The following KCNIP4 variants were observed in gnomAD, a reference collection of about 807,000 sequenced individuals.
The protein encoded by KCNIP4 is potassium voltage-gated channel interacting protein 4.
KCNIP4 carries 12 observed loss-of-function variants against 34.0 expected under a neutral mutation model. The observed-to-expected ratio is 0.35, with a 90% confidence interval of 0.23 to 0.57. The LOEUF is 0.57. Among genes scored for constraint, KCNIP4 ranks in the 20% least tolerant of loss-of-function variants. The pLI is 0.83. For missense variants in KCNIP4, 238 were observed against 311.7 expected (o/e 0.76, Z 1.78); for synonymous variants, 124 against 102.2 (o/e 1.21, Z -1.29).
intron 1 of KCNIP4, among the ~76,000 whole-genome samples, chr4:21,726,664 T>C (rs1715217751): frequency 6.6e-6 from 1 of 152,166 alleles, no homozygotes; most frequent in African/African-American, 2.4e-5. Flanking sequence ...TTTTCAGAAA[T>C]AAATCATTTA....
rs1578390169 is a variant in KCNIP4 at position 20,729,492 on chromosome 4, A to ATTT, written c.*587_*589dup. ...TAAACTAATTTTTAAATGTTTAATA[A>ATTT]TTTTTAAATGTTTAAAAATGCCAGA... On this transcript the variant is annotated 3_prime_UTR_variant, in exon 9 of 9. Transcript: ENST00000382152. 2 of 151,060 alleles carry ATTT rather than the reference A, an allele frequency of 1.3e-5. No homozygotes were observed. The highest frequency in any genetic ancestry group is 4.0e-4 in the East Asian group (2 of 4,978). The allele number at this position is 151,060 out of a possible 1,614,324, so 9.4% of individuals were successfully genotyped here.
At chr4:21,616,419 A>AGTCTTTGTCTGAATTGTTTACCAATGT in intron 1 of KCNIP4, among the ~76,000 whole-genome samples, 1 of 152,314 alleles carries the variant, frequency 6.6e-6, no homozygotes, top group Admixed American at 6.5e-5. Context: ...CCGGTGCAGA[A>AGTCTTTGTCTGAATTGTTTACCAATGT]GTCTTTGTCT....
At chr4:21,044,895 C>T (rs1201625649) in intron 1 of KCNIP4, among the ~76,000 whole-genome samples, 1 of 152,196 alleles carries the variant, frequency 6.6e-6, no homozygotes, top group Non-Finnish European at 1.5e-5. Flanking sequence ...CTGCTCCTTT[C>T]ACCAACTAGG....
At chr4:20,731,966 T>C (rs767916581) in intron 8 of KCNIP4, 40 bp downstream of exon 8, 16 of 1,610,866 alleles carry the variant, frequency 9.9e-6, no homozygotes, top group South Asian at 4.4e-5. Flanking sequence ...TTAGCTGTTA[T>C]GATAGCTGAA....
chr4:21,250,191 C>A (rs1156884626), intron 1 of KCNIP4, among the ~76,000 whole-genome samples: 1 of 142,286 alleles, frequency 7.0e-6, no homozygotes. Flanking sequence ...CAGACAACTA[C>A]ACTCTCGCAG....
chr4:21,448,937 A>G (rs917528495), intron 1 of KCNIP4, among the ~76,000 whole-genome samples: 4 of 152,200 alleles, frequency 2.6e-5, no homozygotes, highest in Admixed American at 6.5e-5. Flanking sequence ...GGAGAGAGAC[A>G]AGGCAAAAAT....
intron 1 of KCNIP4, among the ~76,000 whole-genome samples, chr4:21,187,009 G>A (rs575055529): frequency 6.6e-6 from 1 of 152,138 alleles, no homozygotes; most frequent in African/African-American, 2.4e-5. Flanking sequence ...CCTATTTTAG[G>A]GTAGCATGAG....
chr4:21,185,516 CCTT>C (rs554624713), intron 1 of KCNIP4, among the ~76,000 whole-genome samples: 194 of 151,744 alleles, frequency 1.3e-3, no homozygotes, highest in Non-Finnish European at 1.8e-3. Context: ...TTTTCCTTCT[CCTT>C]CTTCTAATCT....
At chr4:21,599,814 G>T (rs1168561798) in intron 1 of KCNIP4, among the ~76,000 whole-genome samples, 1 of 152,052 alleles carries the variant, frequency 6.6e-6, no homozygotes. Flanking sequence ...CAGAAGAATT[G>T]AGTTTAAGAA....
At position 21,948,702 on chromosome 4, in the gene KCNIP4, C is replaced by G; in HGVS notation, c.-71G>C. 6.8e-7 allele frequency: 1 copy of G among 1,467,280 alleles called. No homozygotes were observed. Among genetic ancestry groups the G allele is most frequent in the Non-Finnish European group, 9.1e-7 (1 of 1,093,856 alleles). 90.9% of individuals were successfully genotyped at this position (1,467,280 alleles called of 1,614,324 possible). A position where few individuals can be genotyped will look rare whatever the true frequency, so the allele number is the denominator to read the frequency against. On this transcript the variant is annotated 5_prime_UTR_variant, in exon 1 of 9. Transcript: ENST00000382152. Reference sequence around the variant, plus strand: ...CCAGGGGCGTCTGTCCACGGGTCTGCACGGGAGCGCACCGCCGCTCGGCCC... The same window carrying G: ...CCAGGGGCGTCTGTCCACGGGTCTGGACGGGAGCGCACCGCCGCTCGGCCC...
intron 1 of KCNIP4, among the ~76,000 whole-genome samples, chr4:21,100,544 T>C (rs1747846042): frequency 6.6e-6 from 1 of 152,032 alleles, no homozygotes; most frequent in South Asian, 2.1e-4. Flanking sequence ...CAGAGTGAGA[T>C]GCTGTCTCAA....
At chr4:21,685,676 A>G (rs1288898216) in intron 1 of KCNIP4, among the ~76,000 whole-genome samples, 1 of 152,248 alleles carries the variant, frequency 6.6e-6, no homozygotes, top group East Asian at 1.9e-4. Context: ...TTTAAGATCC[A>G]TTGAGATGTA....
chr4:21,255,751 T>C (rs1428278584), intron 1 of KCNIP4, among the ~76,000 whole-genome samples: 1 of 152,206 alleles, frequency 6.6e-6, no homozygotes, highest in African/African-American at 2.4e-5. Context: ...ACATCTCTTG[T>C]ATGCACAGTA....
At chr4:21,692,625 T>C (rs1438304028) in intron 1 of KCNIP4, among the ~76,000 whole-genome samples, 1 of 152,074 alleles carries the variant, frequency 6.6e-6, no homozygotes, top group South Asian at 2.1e-4. Flanking sequence ...TTATATGCAT[T>C]TGAATAATAA....
intron 1 of KCNIP4, among the ~76,000 whole-genome samples, chr4:21,185,156 T>C (rs1000892580): frequency 3.9e-5 from 6 of 152,176 alleles, no homozygotes; most frequent in African/African-American, 1.4e-4. Context: ...TACTATCTAA[T>C]ATTCAAATTG....
chr4:21,883,175 T>TA (rs397992525), intron 1 of KCNIP4, among the ~76,000 whole-genome samples: 3 of 150,810 alleles, frequency 2.0e-5, no homozygotes, highest in Admixed American at 2.0e-4. Flanking sequence ...TTTTTTTTTT[T>TA]ATAAGAGACA....
intron 1 of KCNIP4, among the ~76,000 whole-genome samples, chr4:21,768,097 G>A (rs112091164): frequency 0.026 from 3,927 of 152,098 alleles, 79 homozygotes; most frequent in Non-Finnish European, 0.043. Context: ...AACTAGTGCC[G>A]ATAAACCGCC....
intron 1 of KCNIP4, among the ~76,000 whole-genome samples, chr4:21,440,027 T>A (rs1357571228): frequency 6.6e-6 from 1 of 152,208 alleles, no homozygotes; most frequent in Non-Finnish European, 1.5e-5. Context: ...TCAAACACTC[T>A]GGTTTAAAAA....
chr4:21,919,820 C>A (rs951079488), intron 1 of KCNIP4, among the ~76,000 whole-genome samples: 1 of 152,064 alleles, frequency 6.6e-6, no homozygotes, highest in African/African-American at 2.4e-5. Context: ...ATGAAGCAAG[C>A]AATCAACGCA....
Sources: allele counts gnomAD v4.1 joint callset (sites outside exome capture counted in the v4.1 genomes callset), GRCh38; gene constraint gnomAD v4.1.1; transcripts MANE v1.5; gene names NCBI Gene and HGNC (gene_info 2026-07-23, HGNC 2026-07-21).